MEX3B: variants seen among roughly 807,000 people sequenced by gnomAD.
MEX3B encodes mex-3 RNA binding family member B.
In MEX3B, 10 loss-of-function variants were observed where a neutral mutation model predicts 12.2. The observed-to-expected ratio is 0.82, with a 90% confidence interval of 0.51 to 1.40. The LOEUF is 1.40. Ranked by LOEUF, MEX3B falls within the 40% of genes most tolerant of loss-of-function variation. MEX3B has a pLI of 0.00. For missense variants in MEX3B, 839 were observed against 801.4 expected (o/e 1.05, Z -0.57); for synonymous variants, 498 against 356.3 (o/e 1.40, Z -4.48).
intron 1 of MEX3B, chr15:82,045,203 G>A (rs1430916255): frequency 1.6e-6 from 1 of 628,360 alleles, no homozygotes; most frequent in Non-Finnish European, 2.9e-6. Context: ...GCTGGTTGGG[G>A]GGCGTTAGGG....
Position 82,045,493 on chromosome 15 carries a change from T to C in MEX3B, c.213A>G (p.Pro71=). 1 of 1,596,632 alleles carries C rather than the reference T, an allele frequency of 6.3e-7. No individual in the cohort carries two copies. The part of the protein sequence containing the change: ...KKSVNMTECV[P]VPSSEHVAEI... ...CGGCGACATGCTCAGAACTGGGTACTGGCACGCACTCGGTCATGTTCACGC... is the reference window on the plus strand; with the variant it reads ...CGGCGACATGCTCAGAACTGGGTACCGGCACGCACTCGGTCATGTTCACGC... The change falls in exon 1 of 2, where the codon CCA becomes CCG. Residue 71 remains proline, a synonymous_variant. Transcript: ENST00000329713.
In MEX3B at chr15:82,043,604, G is replaced by A; in HGVS notation, c.1266C>T (p.Ala422=). ...GGCGGTGCACCAATAGCCCCAGGTT[G>A]GCGTTGGAGGGCGCACTGGCGCCAC... ...PGGGASAPSN[A]NLGLLVHRRL... Residue 422 remains alanine (A), a synonymous_variant, in exon 2 of 2, where the codon GCC becomes GCT. Coordinates refer to ENST00000329713, the MANE Select transcript of MEX3B (RefSeq NM_032246.6). The A allele has an allele frequency of 6.3e-7, 1 of 1,590,554 alleles. No homozygotes were observed. Among genetic ancestry groups the A allele is most frequent in the East Asian group, 2.3e-5 (1 of 43,770 alleles).
In MEX3B at chr15:82,043,171, T is replaced by C; in HGVS notation, c.1699A>G (p.Ile567Val). Reference protein sequence around the residue: ...CHTAVTQAIRIFS With the variant: ...CHTAVTQAIRVFS ...AGCGCCCGCTGCCTTTAAGAAAAGA[T>C]GCGGATGGCCTGAGTGACCGCGGTG... The change falls in exon 2 of 2, where the codon ATC becomes GTC. Residue 567 changes from isoleucine to valine, a missense_variant. This residue lies in a region of MEX3B where 573 missense variants were observed against 488.9 expected (regional missense o/e 1.17). Coordinates refer to ENST00000329713, the MANE Select transcript of MEX3B (RefSeq NM_032246.6). 6.5e-7 allele frequency: 1 copy of C among 1,532,570 alleles called. No homozygotes were observed. Among genetic ancestry groups the C allele is most frequent in the Non-Finnish European group, 8.8e-7 (1 of 1,138,930 alleles). 94.9% of individuals were successfully genotyped at this position (1,532,570 alleles called of 1,614,324 possible). A position where few individuals can be genotyped will look rare whatever the true frequency, so the allele number is the denominator to read the frequency against.
Position 82,044,587 on chromosome 15 carries a change from T to C in MEX3B, c.283A>G (p.Lys95Glu). 6.2e-7 allele frequency: 1 copy of C among 1,614,152 alleles called. No individual in the cohort carries two copies. Among genetic ancestry groups the C allele is most frequent in the Non-Finnish European group, 8.5e-7 (1 of 1,180,022 alleles). The stretch of plus-strand genomic sequence containing the variant: ...GGGGTCTTGATGTAAGTATTGGTCT[T>C]CGCCCGCAGCGCTTTGATTTTACAA... ...QGCKIKALRA[K>E]TNTYIKTPVR... Residue 95 changes from lysine to glutamate, a missense_variant, in exon 2 of 2, where the codon AAG becomes GAG. By Grantham distance (56) the Lys-to-Glu change is moderately conservative. This residue lies in a region of MEX3B where 214 missense variants were observed against 223.8 expected (regional missense o/e 0.96). Transcript: ENST00000329713. The surrounding 1 kb of genome is among the most constrained non-coding windows in gnomAD (Gnocchi z 5.3).
At chr15:82,045,179 C>T (rs942179232) in intron 1 of MEX3B, 1 of 617,232 alleles carries the variant, frequency 1.6e-6, no homozygotes, top group Non-Finnish European at 2.9e-6. Flanking sequence ...TTTAAATTGT[C>T]TTTCTGGAGG....
rs771934309 is a variant in MEX3B at position 82,043,527 on chromosome 15, G to A, written c.1343C>T (p.Ala448Val). The change falls in exon 2 of 2, where the codon GCC becomes GTC. Residue 448 changes from alanine to valine, a missense_variant. Physicochemically the swap from Ala to Val is moderately conservative, Grantham distance 64 (BLOSUM62 0). This residue lies in a region of MEX3B where 573 missense variants were observed against 488.9 expected (regional missense o/e 1.17). Transcript: ENST00000329713. Reference protein sequence around the residue: ...CPRLSPPLHMAPGAGEHHLAR... With the variant: ...CPRLSPPLHMVPGAGEHHLAR... ...CAGGTGGTGCTCTCCCGCCCCCGGGGCCATGTGCAAGGGTGGAGACAGGCG... is the reference window on the plus strand; with the variant it reads ...CAGGTGGTGCTCTCCCGCCCCCGGGACCATGTGCAAGGGTGGAGACAGGCG... 4.6e-6 allele frequency: 7 copies of A among 1,515,586 alleles called. No individual in the cohort carries two copies. In the African/African-American group the frequency reaches 5.6e-5, roughly 12 times the overall value. The allele number at this position is 1,515,586 out of a possible 1,614,324, so 93.9% of individuals were successfully genotyped here.
At position 82,044,246 on chromosome 15, in the gene MEX3B, G is replaced by T. The variant is rs143760101; in HGVS notation, c.624C>A (p.Thr208=). ...CGCGATCCACGTTCTCTGGCATGCC[G>T]GTCACCTCGAACACCGGCTCCTTAT... ...SRDKEPVFEV[T]GMPENVDRAR... is the part of the protein sequence containing the mutation. The change falls in exon 2 of 2, where the codon ACC becomes ACA. Residue 208 remains threonine, a synonymous_variant. Coordinates refer to ENST00000329713, the MANE Select transcript of MEX3B (RefSeq NM_032246.6). The surrounding 1 kb of genome is among the most constrained non-coding windows in gnomAD (Gnocchi z 5.3). The T allele has an allele frequency of 1.9e-6, 3 of 1,614,036 alleles. No individual in the cohort carries two copies. In the East Asian group the frequency reaches 6.7e-5, roughly 36 times the overall value.
In MEX3B at chr15:82,043,389, G is replaced by A. The variant is rs367798781; in HGVS notation, c.1481C>T (p.Ser494Phe). The change falls in exon 2 of 2, where the codon TCC becomes TTC. Residue 494 changes from serine (S) to phenylalanine (F), a missense_variant. By Grantham distance (155) the Ser-to-Phe change is radical (BLOSUM62 -2). Around this residue, in one of 3 missense-constraint regions of MEX3B, gnomAD observed 573 missense variants for 488.9 expected, o/e 1.17. Coordinates refer to ENST00000329713, the MANE Select transcript of MEX3B (RefSeq NM_032246.6). ...GLQPSDTSGS[S>F]SSSSSSSSSS... is the part of the protein sequence containing the mutation. ...GCTGGAGGAGGAGCTGGACGAAGAG[G>A]AGGAGCCCGACGTGTCCGACGGCTG... 6.3e-7 allele frequency: 1 copy of A among 1,587,306 alleles called. No homozygotes were observed. Among genetic ancestry groups the A allele is most frequent in the Non-Finnish European group, 8.6e-7 (1 of 1,166,892 alleles).
intron 1 of MEX3B, chr15:82,045,104 C>G (rs1367979433): frequency 1.7e-6 from 1 of 600,226 alleles, no homozygotes; most frequent in Non-Finnish European, 3.0e-6. Flanking sequence ...CCATCCTATG[C>G]TCACTCCTCC....
Position 82,043,386 on chromosome 15 carries a change from G to A in MEX3B, c.1484C>T (p.Ser495Phe), listed in dbSNP as rs1379126036. The stretch of plus-strand genomic sequence containing the variant: ...AGAGCTGGAGGAGGAGCTGGACGAA[G>A]AGGAGGAGCCCGACGTGTCCGACGG... Reference protein sequence around the residue: ...LQPSDTSGSSSSSSSSSSSSS... With the variant: ...LQPSDTSGSSFSSSSSSSSSS... Residue 495 changes from serine (S) to phenylalanine (F), a missense_variant, in exon 2 of 2, where the codon TCT becomes TTT. Ser to Phe is a radical substitution (Grantham distance 155, BLOSUM62 -2). This residue lies in a region of MEX3B where 573 missense variants were observed against 488.9 expected (regional missense o/e 1.17). Transcript: ENST00000329713. 5.0e-6 allele frequency: 8 copies of A among 1,587,416 alleles called. No individual in the cohort carries two copies. Among genetic ancestry groups the A allele is most frequent in the East Asian group, 4.5e-5 (2 of 44,482 alleles).
In MEX3B at chr15:82,044,251, C is replaced by T; in HGVS notation, c.619G>A (p.Val207Met). The T allele has an allele frequency of 6.2e-7, 1 of 1,614,028 alleles. No homozygotes were observed. Among genetic ancestry groups the T allele is most frequent in the East Asian group, 2.2e-5 (1 of 44,876 alleles). ...TCCACGTTCTCTGGCATGCCGGTCA[C>T]CTCGAACACCGGCTCCTTATCCCGG... ...PSRDKEPVFE[V>M]TGMPENVDRA... The change falls in exon 2 of 2, where the codon GTG becomes ATG. Residue 207 changes from valine to methionine, a missense_variant. Val to Met is a conservative substitution (Grantham distance 21). This residue lies in a region of MEX3B where 52 missense variants were observed against 88.7 expected (regional missense o/e 0.59). Coordinates refer to ENST00000329713, the MANE Select transcript of MEX3B (RefSeq NM_032246.6). This position sits in a 1 kb window ranked among gnomAD's most constrained non-coding sequence, Gnocchi z 5.3.
At position 82,043,858 on chromosome 15, in the gene MEX3B, T is replaced by C; in HGVS notation, c.1012A>G (p.Asn338Asp). Residue 338 changes from asparagine (N) to aspartate (D), a missense_variant, in exon 2 of 2, where the codon AAT becomes GAT. By Grantham distance (23) the Asn-to-Asp change is conservative. This residue lies in a region of MEX3B where 573 missense variants were observed against 488.9 expected (regional missense o/e 1.17). Transcript: ENST00000329713. ...CCCCCCGCTGTGTAGGTGTACCCAT[T>C]GCCGTTATTGTTATTGTTTCCGTTG... Reference protein sequence around the residue: ...AHNGNNNNNGNGYTYTAGGEA... With the variant: ...AHNGNNNNNGDGYTYTAGGEA... 1.3e-6 allele frequency: 2 copies of C among 1,591,436 alleles called. No individual in the cohort carries two copies. The highest frequency in any genetic ancestry group is 1.7e-6 in the Non-Finnish European group (2 of 1,168,986).
At position 82,042,956 on chromosome 15, in the gene MEX3B, A is replaced by T; in HGVS notation, c.*204T>A. 1 of 429,450 alleles carries T rather than the reference A, an allele frequency of 2.3e-6. No individual in the cohort carries two copies. Among genetic ancestry groups the T allele is most frequent in the Non-Finnish European group, 4.0e-6 (1 of 248,874 alleles). 26.6% of individuals were successfully genotyped at this position (429,450 alleles called of 1,614,324 possible). On this transcript the variant is annotated 3_prime_UTR_variant, in exon 2 of 2. Transcript: ENST00000329713. ...ACTCTTGATGCAGATATCCTGGCAA[A>T]TTCCTTTACTTAAAAATTAAATTTT...
In MEX3B at chr15:82,044,500, G is replaced by C. The variant is rs2073244038; in HGVS notation, c.370C>G (p.Arg124Gly). The change falls in exon 2 of 2, where the codon CGG (arginine) becomes GGG (glycine). Residue 124 changes from arginine (R) to glycine (G), a missense_variant. Arg to Gly is a moderately radical substitution (Grantham distance 125, BLOSUM62 -2). Coordinates refer to ENST00000329713, the MANE Select transcript of MEX3B (RefSeq NM_032246.6). This position sits in a 1 kb window ranked among gnomAD's most constrained non-coding sequence, Gnocchi z 5.3. ...TCGGCAGCAGAGATGATCTCCCTCCGAGCCATGGCCACATCCTCCTTCCTG... is the reference window on the plus strand; with the variant it reads ...TCGGCAGCAGAGATGATCTCCCTCCCAGCCATGGCCACATCCTCCTTCCTG... ...TGRKEDVAMA[R>G]REIISAAEHF... 6.2e-7 allele frequency: 1 copy of C among 1,613,936 alleles called. No homozygotes were observed. The highest frequency in any genetic ancestry group is 1.3e-5 in the African/African-American group (1 of 74,912).
chr15:82,045,113 C>T, intron 1 of MEX3B: 1 of 601,838 alleles, frequency 1.7e-6, no homozygotes, highest in African/African-American at 1.9e-5. Context: ...GCTCACTCCT[C>T]CTCCTTCCTC....
chr15:82,044,694 G>T lies in MEX3B; in HGVS notation c.257-81C>A. On this transcript the variant is annotated intron_variant, in intron 1 of 1. Transcript: ENST00000329713. This position sits in a 1 kb window ranked among gnomAD's most constrained non-coding sequence, Gnocchi z 5.3. Reference sequence around the variant, plus strand: ...TCCTGGGGTAACCGCGGGGACCGGGGACAGCCCGCGTCCAGGACAGCGAGA... The same window carrying T: ...TCCTGGGGTAACCGCGGGGACCGGGTACAGCCCGCGTCCAGGACAGCGAGA... 1.4e-6 allele frequency: 2 copies of T among 1,384,786 alleles called. No individual in the cohort carries two copies. The highest frequency in any genetic ancestry group is 1.7e-5 in the Admixed American group (1 of 57,536). The allele number at this position is 1,384,786 out of a possible 1,614,324, so 85.8% of individuals were successfully genotyped here.
chr15:82,042,041 T>C lies in MEX3B; in HGVS notation c.*1119A>G, dbSNP rs556239401. 3.9e-5 allele frequency: 6 copies of C among 152,742 alleles called. No homozygotes were observed. Among genetic ancestry groups the C allele is most frequent in the African/African-American group, 1.2e-4 (5 of 41,582 alleles). 9.5% of individuals were successfully genotyped at this position (152,742 alleles called of 1,614,324 possible). On this transcript the variant is annotated 3_prime_UTR_variant, in exon 2 of 2. Transcript: ENST00000329713. ...AAGCTCAAGTAACATCACCTACATATACATAAACAAGTGGTAAACAAATGT... is the reference window on the plus strand; with the variant it reads ...AAGCTCAAGTAACATCACCTACATACACATAAACAAGTGGTAAACAAATGT...
chr15:82,045,611 C>T lies in MEX3B; in HGVS notation c.95G>A (p.Arg32Lys), dbSNP rs1348154545. ...CTGGTCGAGCGCGAGCTGCAGGGCT[C>T]TTTGGTCATCCAGGGTCTCTCCCCC... The part of the protein sequence containing the change: ...SGGGETLDDQ[R>K]ALQLALDQLS... The change falls in exon 1 of 2, where the codon AGA becomes AAA. Residue 32 changes from arginine (R) to lysine (K), a missense_variant. Around this residue, in one of 3 missense-constraint regions of MEX3B, gnomAD observed 214 missense variants for 223.8 expected, o/e 0.96. Coordinates refer to ENST00000329713, the MANE Select transcript of MEX3B (RefSeq NM_032246.6). 2 of 1,605,700 alleles carry T rather than the reference C, an allele frequency of 1.2e-6. No individual in the cohort carries two copies. Among genetic ancestry groups the T allele is most frequent in the Non-Finnish European group, 1.7e-6 (2 of 1,178,420 alleles).
Position 82,043,070 on chromosome 15 carries a change from C to T in MEX3B, c.*90G>A. 2 of 1,218,716 alleles carry T rather than the reference C, an allele frequency of 1.6e-6. No homozygotes were observed. Among genetic ancestry groups the T allele is most frequent in the Non-Finnish European group, 2.1e-6 (2 of 938,038 alleles). 75.5% of individuals were successfully genotyped at this position (1,218,716 alleles called of 1,614,324 possible). A position where few individuals can be genotyped will look rare whatever the true frequency, so the allele number is the denominator to read the frequency against. On this transcript the variant is annotated 3_prime_UTR_variant, in exon 2 of 2. Coordinates refer to ENST00000329713, the MANE Select transcript of MEX3B (RefSeq NM_032246.6). Reference sequence around the variant, plus strand: ...GGAAGGAGAAGGGAGAGGGGGGGCACCCAGGGAGGCAGGCGAGCGCTGGGG... The same window carrying T: ...GGAAGGAGAAGGGAGAGGGGGGGCATCCAGGGAGGCAGGCGAGCGCTGGGG...
Sources: gnomAD v4.1 joint callset for allele counts on GRCh38, gnomAD v4.1.1 for gene constraint, gnomAD v4.1.1 regional missense constraint, Gnocchi (gnomAD v3.1) non-coding constraint, MANE v1.5 for transcripts, NCBI Gene and HGNC (gene_info 2026-07-23, HGNC 2026-07-21) for gene names.